The following FRY variants were observed in gnomAD, a reference collection of about 807,000 sequenced individuals.
FRY encodes the protein FRY microtubule binding protein, also known as protein furry homolog.
A neutral mutation model predicts 348.4 loss-of-function variants in FRY; 128 were observed. That is an observed-to-expected ratio of 0.37 (90% CI 0.32 to 0.43). FRY has a LOEUF of 0.43. Among genes scored for constraint, FRY ranks in the 20% least tolerant of loss-of-function variants. FRY has a pLI of 1.00. For synonymous variants in FRY, 1,370 were observed against 1,374.7 expected (o/e 1.00, Z 0.08); for missense variants, 2,736 against 3,695.2 (o/e 0.74, Z 6.73).
Position 32,212,065 on chromosome 13 carries a change from A to G in FRY, c.4592-227A>G, listed in dbSNP as rs112135323. 2.3e-3 allele frequency among the ~76,000 whole-genome samples: 354 copies of G among 152,344 alleles called. 4 individuals are homozygous for G. The highest frequency in any genetic ancestry group is 8.4e-3 in the African/African-American group (348 of 41,578). ...TTCAAGAATGTAGGCTTGCTTTACG[A>G]GAGTTAAGGAATTTGGTTTGACCAT... On this transcript the variant is annotated intron_variant, in intron 34 of 60. Transcript: ENST00000542859.
intron 1 of FRY, among the ~76,000 whole-genome samples, chr13:32,077,364 T>C (rs1397050417): frequency 2.6e-5 from 4 of 152,090 alleles, no homozygotes; most frequent in Non-Finnish European, 5.9e-5. Flanking sequence ...AATCTAGCCA[T>C]AGGTCTCCAA....
At chr13:32,254,444 A>C (rs548121490) in intron 51 of FRY, 50 bp downstream of exon 51, 1 of 1,481,248 alleles carries the variant, frequency 6.8e-7, no homozygotes, top group Non-Finnish European at 9.4e-7. Flanking sequence ...TTCCTTGACT[A>C]ATGAAACTAT....
At chr13:32,171,644 G>T (rs1288593626) in intron 18 of FRY, among the ~76,000 whole-genome samples, 1 of 152,090 alleles carries the variant, frequency 6.6e-6, no homozygotes, top group Non-Finnish European at 1.5e-5. Flanking sequence ...ATATGTGAAT[G>T]AGTGGCAGTC....
At chr13:32,105,152 T>G (rs1265829295) in intron 3 of FRY, among the ~76,000 whole-genome samples, 2 of 152,198 alleles carry the variant, frequency 1.3e-5, no homozygotes, top group Non-Finnish European at 2.9e-5. Context: ...TCAGCTGCTG[T>G]TAATGTGATA....
chr13:32,180,488 G>A (rs377120525), intron 23 of FRY, among the ~76,000 whole-genome samples: 2 of 152,208 alleles, frequency 1.3e-5, no homozygotes, highest in East Asian at 3.8e-4. Flanking sequence ...ACCCGCCTCA[G>A]CCCCCCAAAG....
intron 17 of FRY, among the ~76,000 whole-genome samples, chr13:32,162,681 A>G (rs1881518952): frequency 6.6e-6 from 1 of 152,126 alleles, no homozygotes; most frequent in Non-Finnish European, 1.5e-5. Flanking sequence ...CCATGATTTC[A>G]AGCCGTTGTG....
In FRY at chr13:32,262,302, C is replaced by T; in HGVS notation, c.7618-12C>T. On this transcript the variant is annotated splice_polypyrimidine_tract_variant and intron_variant, in intron 52 of 60. Coordinates refer to ENST00000542859, the MANE Select transcript of FRY (RefSeq NM_023037.3). The stretch of plus-strand genomic sequence containing the variant: ...TTCATACTATGTTTAATTTCCTTTG[C>T]TTTTTAAACAGATCATGACTCTCTC... The T allele has an allele frequency of 1.2e-6, 2 of 1,608,518 alleles. No individual in the cohort carries two copies. Among genetic ancestry groups the T allele is most frequent in the Non-Finnish European group, 1.7e-6 (2 of 1,175,072 alleles).
chr13:32,179,455 A>G (rs913843529), intron 22 of FRY, among the ~76,000 whole-genome samples: 1 of 150,904 alleles, frequency 6.6e-6, no homozygotes, highest in Non-Finnish European at 1.5e-5. Context: ...AAATTTCTTT[A>G]GAATTTGTGT....
intron 16 of FRY, among the ~76,000 whole-genome samples, chr13:32,159,063 G>T (rs1256542733): frequency 6.7e-6 from 1 of 149,530 alleles, no homozygotes; most frequent in Non-Finnish European, 1.5e-5. Flanking sequence ...ATCATAAAAA[G>T]GTACATGTTT....
At chr13:32,256,172 T>C (rs942823558) in intron 51 of FRY, among the ~76,000 whole-genome samples, 13 of 152,176 alleles carry the variant, frequency 8.5e-5, no homozygotes, top group African/African-American at 3.1e-4. Flanking sequence ...TCTGGTCTTC[T>C]CTTTATTGTC....
intron 41 of FRY, among the ~76,000 whole-genome samples, chr13:32,232,606 T>C (rs1490269532): frequency 1.3e-5 from 2 of 152,182 alleles, no homozygotes; most frequent in African/African-American, 4.8e-5. Flanking sequence ...AGGCCTCTGC[T>C]GGGCCCTCTG....
rs538611467 is a variant in FRY at position 32,195,257 on chromosome 13, T to C, written c.3746+960T>C. On this transcript the variant is annotated intron_variant, in intron 29 of 60. Coordinates refer to ENST00000542859, the MANE Select transcript of FRY (RefSeq NM_023037.3). ...AGAGTTTTTATTATAGATTTTAATATGCATAAAAGTTAGAGCAAATGAATA... is the reference window on the plus strand; with the variant it reads ...AGAGTTTTTATTATAGATTTTAATACGCATAAAAGTTAGAGCAAATGAATA... 5.4e-5 allele frequency among the ~76,000 whole-genome samples: 7 copies of C among 129,824 alleles called. No homozygotes were observed. The East Asian group carries it at 1.4e-3, about 25-fold the overall frequency. 85.2% of individuals were successfully genotyped at this position (129,824 alleles called of 152,430 possible). A position where few individuals can be genotyped will look rare whatever the true frequency, so the allele number is the denominator to read the frequency against.
At chr13:32,250,142 G>A (rs919462229) in intron 49 of FRY, among the ~76,000 whole-genome samples, 9 of 152,182 alleles carry the variant, frequency 5.9e-5, no homozygotes, top group Admixed American at 2.6e-4. Flanking sequence ...GTCCATGCAC[G>A]GGCTGAGCCA....
chr13:32,077,634 C>T (rs1365517148), intron 1 of FRY, among the ~76,000 whole-genome samples: 2 of 152,052 alleles, frequency 1.3e-5, no homozygotes, highest in African/African-American at 2.4e-5. Context: ...ATAAACAAAA[C>T]GTTATATTGC....
In FRY at chr13:32,105,489, C is replaced by A. The variant is rs150678103; in HGVS notation, c.324+3473C>A. Among the ~76,000 whole-genome samples, 171 of 152,338 alleles carry A rather than the reference C, an allele frequency of 1.1e-3. 2 individuals carry two copies. In the East Asian group the frequency reaches 0.029, roughly 26 times the overall value. The stretch of plus-strand genomic sequence containing the variant: ...TTCAACCAACAAACTATAAGAATTT[C>A]AGTTCCATTGGTAAGGCCATGAATA... On this transcript the variant is annotated intron_variant, in intron 3 of 60. Coordinates refer to ENST00000542859, the MANE Select transcript of FRY (RefSeq NM_023037.3).
chr13:32,154,168 T>C (rs2138155449), intron 14 of FRY, among the ~76,000 whole-genome samples: 1 of 152,320 alleles, frequency 6.6e-6, no homozygotes, highest in South Asian at 2.1e-4. Context: ...AACATTGCTG[T>C]GTCTTGAGAG....
At chr13:32,050,679 A>G (rs1172834659) in intron 1 of FRY, among the ~76,000 whole-genome samples, 1 of 152,202 alleles carries the variant, frequency 6.6e-6, no homozygotes, top group Admixed American at 6.6e-5. Context: ...CCCTTATGTG[A>G]GGAAGTTTTA....
rs754422710 is a variant in FRY, at chr13:32,179,690, T to G, written c.2887T>G (p.Ser963Ala). 3.1e-6 allele frequency: 5 copies of G among 1,614,090 alleles called. No homozygotes were observed. In the South Asian group the frequency reaches 5.5e-5, roughly 18 times the overall value. ...CTTATTTCAGGCCATAGGCACCCCA[T>G]CGGTGGGAGTTCTGTTAAAGCAGTT... ...SYDNKAIGTP[S>A]VGVLLKQLVP... Residue 963 changes from serine to alanine, a missense_variant, in exon 23 of 61, where the codon TCG becomes GCG. Ser to Ala is a moderately conservative substitution (Grantham distance 99). Around this residue, in one of 9 missense-constraint regions of FRY, gnomAD observed 449 missense variants for 576.9 expected, o/e 0.78. Coordinates refer to ENST00000542859, the MANE Select transcript of FRY (RefSeq NM_023037.3).
chr13:32,254,575 C>G (rs1887241762), intron 51 of FRY, among the ~76,000 whole-genome samples, 181 bp downstream of exon 51: 1 of 152,186 alleles, frequency 6.6e-6, no homozygotes, highest in African/African-American at 2.4e-5. Context: ...AGTTACCACA[C>G]CCTTCCTGTC....
Sources: gnomAD v4.1 joint callset for allele counts (sites outside exome capture counted in the v4.1 genomes callset) on GRCh38, gnomAD v4.1.1 for gene constraint, gnomAD v4.1.1 regional missense constraint, MANE v1.5 for transcripts, NCBI Gene and HGNC (gene_info 2026-07-23, HGNC 2026-07-21) for gene names.